The following COX4I1 variants were observed in gnomAD, a reference collection of about 807,000 sequenced individuals.
The protein encoded by COX4I1 is cytochrome c oxidase subunit 4I1.
Under a neutral mutation model 21.7 loss-of-function variants are expected in COX4I1, and 18 were observed. The ratio of observed to expected loss-of-function variants is 0.83; its 90% confidence interval spans 0.57 to 1.23. The LOEUF (loss-of-function observed/expected upper bound fraction) is 1.23. COX4I1 is among the 50% of genes most tolerant of loss of function. The probability of loss-of-function intolerance (pLI) is 0.00; values close to 1 mark genes in which losing one functional copy is unlikely to be tolerated. For synonymous variants in COX4I1, 100 were observed against 81.5 expected (o/e 1.23, Z -1.23); for missense variants, 238 against 220.7 (o/e 1.08, Z -0.50).
chr16:85,804,151 T>G (rs1905981679), intron 2 of COX4I1: 1 of 152,260 alleles, frequency 6.6e-6, no homozygotes, highest in Non-Finnish European at 1.5e-5. Context: ...TCAGTCCTGG[T>G]TGGACACAGG....
rs141274846 is a variant in COX4I1, at chr16:85,801,391, C to G, written c.73+113C>G. ...AGACCTTAATTCGGCTCTTGAGGGTCTTTAGGGGAGATATAAATGTTCTCA... is the reference window on the plus strand; with the variant it reads ...AGACCTTAATTCGGCTCTTGAGGGTGTTTAGGGGAGATATAAATGTTCTCA... On this transcript the variant is annotated intron_variant, in intron 2 of 4. Coordinates refer to ENST00000253452, the MANE Select transcript of COX4I1 (RefSeq NM_001861.6). 1,187 of 775,116 alleles carry G rather than the reference C, an allele frequency of 1.5e-3. 8 individuals are homozygous for G. In the African/African-American group the frequency reaches 0.019, roughly 12 times the overall value. The allele number at this position is 775,116 out of a possible 1,614,324, so 48.0% of individuals were successfully genotyped here.
At chr16:85,800,923 C>G (rs1905683548) in intron 1 of COX4I1, among the ~76,000 whole-genome samples, 1 of 152,218 alleles carries the variant, frequency 6.6e-6, no homozygotes, top group Admixed American at 6.5e-5. Flanking sequence ...CGCGCCCGGC[C>G]TCTCCTTGTT....
intron 2 of COX4I1, chr16:85,803,689 C>T (rs1277360037): frequency 6.6e-6 from 1 of 152,226 alleles, no homozygotes; most frequent in African/African-American, 2.4e-5. Flanking sequence ...CTCCTTCCTA[C>T]CTGTATAACA....
Position 85,806,184 on chromosome 16 carries a change from G to C in COX4I1, c.373+320G>C, listed in dbSNP as rs1906184828. The stretch of plus-strand genomic sequence containing the variant: ...ACTTAGCGAAAGATGACTTCGTGAA[G>C]GTTCGAGCAAGGATAAGGGGACTCA... On this transcript the variant is annotated intron_variant, in intron 4 of 4. Coordinates refer to ENST00000253452, the MANE Select transcript of COX4I1 (RefSeq NM_001861.6). The C allele has an allele frequency of 2.1e-5, 12 of 584,344 alleles. 1 individual carries two copies. The South Asian group carries it at 2.7e-4, about 13-fold the overall frequency. 36.2% of individuals were successfully genotyped at this position (584,344 alleles called of 1,614,324 possible).
chr16:85,801,827 T>G (rs1208083650), intron 2 of COX4I1, among the ~76,000 whole-genome samples: 1 of 152,216 alleles, frequency 6.6e-6, no homozygotes, highest in Non-Finnish European at 1.5e-5. Context: ...ATCTGGCGTC[T>G]ATCTACTTTG....
In COX4I1 at chr16:85,800,873, C is replaced by T. The variant is rs797021473; in HGVS notation, c.-1-332C>T. On this transcript the variant is annotated intron_variant, in intron 1 of 4. Coordinates refer to ENST00000253452, the MANE Select transcript of COX4I1 (RefSeq NM_001861.6). ...CCCTGACCTCAGGTGATCTGTCCGC[C>T]TCGGCCTCCCAAAGTGCTGGAATTA... 1.7e-4 allele frequency among the ~76,000 whole-genome samples: 26 copies of T among 152,324 alleles called. 1 individual carries two copies. The highest frequency in any genetic ancestry group is 6.0e-4 in the African/African-American group (25 of 41,570).
intron 2 of COX4I1, among the ~76,000 whole-genome samples, chr16:85,802,874 G>C (rs895574728): frequency 3.9e-5 from 6 of 152,198 alleles, no homozygotes; most frequent in Admixed American, 3.9e-4. Flanking sequence ...CAATTTTGAG[G>C]TTTGCATGCG....
chr16:85,801,103 G>T lies in COX4I1; in HGVS notation c.-1-102G>T, dbSNP rs183118839. The T allele has an allele frequency of 5.4e-5, 48 of 884,992 alleles. No homozygotes were observed. In the East Asian group the frequency reaches 6.6e-4, roughly 12 times the overall value. 54.8% of individuals were successfully genotyped at this position (884,992 alleles called of 1,614,324 possible). ...AAGAATGGATCATTTGCGTTGGGGAGAAGCAAACAAAAAAATTCCAAAATG... is the reference window on the plus strand; with the variant it reads ...AAGAATGGATCATTTGCGTTGGGGATAAGCAAACAAAAAAATTCCAAAATG... On this transcript the variant is annotated intron_variant, in intron 1 of 4. Transcript: ENST00000253452.
intron 2 of COX4I1, chr16:85,803,219 T>C (rs1287675779): frequency 1.3e-5 from 2 of 152,204 alleles, no homozygotes; most frequent in East Asian, 3.8e-4. Context: ...TTCATAGAAT[T>C]AGGGTTTTAA....
At chr16:85,805,146 G>A (rs749391143) in intron 3 of COX4I1, 42 bp downstream of exon 3, 21 of 1,576,174 alleles carry the variant, frequency 1.3e-5, no homozygotes, top group African/African-American at 1.1e-4. Context: ...AGCAGCTCTC[G>A]GAAGCGTGTG....
Position 85,805,824 on chromosome 16 carries a change from C to A in COX4I1, c.333C>A (p.Ile111=). ...KTVVGGAMFF[I]GFTALVIMWQ... is the part of the protein sequence containing the mutation. The stretch of plus-strand genomic sequence containing the variant: ...TTGTGGGCGGTGCCATGTTCTTCAT[C>A]GGTTTCACCGCGCTCGTTATCATGT... Residue 111 remains isoleucine, a synonymous_variant, in exon 4 of 5, where the codon ATC becomes ATA. Transcript: ENST00000253452. 1 of 1,614,222 alleles carries A rather than the reference C, an allele frequency of 6.2e-7. No individual in the cohort carries two copies. The highest frequency in any genetic ancestry group is 1.7e-5 in the Admixed American group (1 of 60,030).
intron 3 of COX4I1, chr16:85,805,456 C>A: frequency 3.5e-6 from 2 of 570,538 alleles, no homozygotes; most frequent in Non-Finnish European, 6.2e-6. Flanking sequence ...ATTAAATAGA[C>A]CCTAATACTG....
At position 85,806,742 on chromosome 16, in the gene COX4I1, CG is replaced by C. The variant is rs755921814; in HGVS notation, c.380del (p.Gly127AlafsTer22). ...ATAACCTGTCTCACACCGTAGTGTA[CG>C]GCCCCCTCCCGCAAAGCTTTGACAA... is the stretch of plus-strand genomic sequence containing the variant. ...VIMWQKHYVY[G>X]PLPQSFDKEW... On this transcript the variant is annotated frameshift_variant, in exon 5 of 5. Transcript: ENST00000253452. LOFTEE classifies it high-confidence loss of function. The C allele has an allele frequency of 1.2e-6, 2 of 1,614,064 alleles. No individual in the cohort carries two copies. Among genetic ancestry groups the C allele is most frequent in the Non-Finnish European group, 1.7e-6 (2 of 1,179,986 alleles).
intron 1 of COX4I1, among the ~76,000 whole-genome samples, chr16:85,800,756 G>T (rs1316920319): frequency 2.0e-5 from 3 of 152,068 alleles, no homozygotes; most frequent in Admixed American, 2.0e-4. Flanking sequence ...CCCAAGTAGC[G>T]GGGATTACGG....
intron 2 of COX4I1, chr16:85,804,224 C>CT (rs11454415): frequency 0.97 from 148,550 of 152,396 alleles, 72,507 homozygotes; most frequent in Middle Eastern, 1. Flanking sequence ...ACTTGAAACG[C>CT]TTTGAGTTTT....
At chr16:85,806,595 C>G (rs1048720749) in intron 4 of COX4I1, 143 bp from the exon 5 acceptor site, 17 of 1,167,738 alleles carry the variant, frequency 1.5e-5, no homozygotes, top group Non-Finnish European at 1.3e-6. Context: ...GGTCAGAAAC[C>G]GTGTGTTTGA....
intron 2 of COX4I1, chr16:85,804,708 G>C (rs1245560923): frequency 2.3e-6 from 1 of 428,582 alleles, no homozygotes; most frequent in Non-Finnish European, 4.2e-6. Context: ...CTTGGCCCCA[G>C]GGTTCATTAG....
At chr16:85,800,562 G>A (rs1050966152) in intron 1 of COX4I1, among the ~76,000 whole-genome samples, 2 of 152,154 alleles carry the variant, frequency 1.3e-5, no homozygotes, top group African/African-American at 4.8e-5. Flanking sequence ...AGTCTGTCAC[G>A]GCAGCACAGT....
At chr16:85,800,983 A>G (rs560075289) in intron 1 of COX4I1, among the ~76,000 whole-genome samples, 1 of 152,312 alleles carries the variant, frequency 6.6e-6, no homozygotes, top group African/African-American at 2.4e-5. Flanking sequence ...CGTATATATT[A>G]TGGCAGTTGA....
Sources: gnomAD v4.1 joint callset for allele counts (sites outside exome capture counted in the v4.1 genomes callset) on GRCh38, gnomAD v4.1.1 for gene constraint, MANE v1.5 for transcripts, NCBI Gene and HGNC (gene_info 2026-07-23, HGNC 2026-07-21) for gene names.